The following USP45 variants were observed in gnomAD, a reference collection of about 807,000 sequenced individuals.
The protein encoded by USP45 is ubiquitin specific peptidase 45.
Under a neutral mutation model 95.8 loss-of-function variants are expected in USP45, and 89 were observed. The ratio of observed to expected loss-of-function variants is 0.93; its 90% confidence interval spans 0.78 to 1.11. USP45 has a LOEUF of 1.11. Among genes scored for constraint, USP45 ranks in the 50% least tolerant of loss-of-function variants. The pLI is 0.00. For synonymous variants in USP45, 281 were observed against 316.2 expected (o/e 0.89, Z 1.18); for missense variants, 898 against 942.5 (o/e 0.95, Z 0.62).
intron 11 of USP45, among the ~76,000 whole-genome samples, chr6:99,465,425 TAA>T (rs1787685110): frequency 6.6e-6 from 1 of 152,118 alleles, no homozygotes; most frequent in African/African-American, 2.4e-5. Flanking sequence ...ACAGATTAAC[TAA>T]AGAGACTAGA....
chr6:99,503,955 T>G (rs1797956166), intron 4 of USP45, 90 bp from the exon 5 acceptor site: 2 of 896,834 alleles, frequency 2.2e-6, no homozygotes, highest in Non-Finnish European at 3.2e-6. Flanking sequence ...TAGTTACTTT[T>G]GTCTTTAAAT....
At chr6:99,492,253 G>A (rs1017748201) in intron 5 of USP45, among the ~76,000 whole-genome samples, 1 of 152,092 alleles carries the variant, frequency 6.6e-6, no homozygotes, top group African/African-American at 2.4e-5. Flanking sequence ...ATATATCCAC[G>A]CTTCACTGTG....
intron 6 of USP45, 102 bp from the exon 7 acceptor site, chr6:99,488,397 T>C: frequency 1.3e-6 from 1 of 783,154 alleles, no homozygotes; most frequent in South Asian, 1.9e-5. Flanking sequence ...AAAGTGTCTA[T>C]TTCAAAAAAT....
chr6:99,464,424 G>A lies in USP45; in HGVS notation c.1308+180C>T, dbSNP rs1374697200. On this transcript the variant is annotated intron_variant, in intron 13 of 17. Coordinates refer to ENST00000500704, the MANE Select transcript of USP45 (RefSeq NM_001346022.3). ...TATCCAAAAATAGTCTGGGATGGGA[G>A]GAAGGGGAGGATGTGGGATATATAT... 2.6e-5 allele frequency among the ~76,000 whole-genome samples: 4 copies of A among 152,214 alleles called. 1 individual carries two copies. The highest frequency in any genetic ancestry group is 1.9e-4 in the East Asian group (1 of 5,198).
intron 5 of USP45, among the ~76,000 whole-genome samples, chr6:99,490,641 G>C (rs1170737025): frequency 6.6e-6 from 1 of 152,012 alleles, no homozygotes; most frequent in African/African-American, 2.4e-5. Context: ...ACAGCACTGG[G>C]GGGACTGTTC....
Position 99,510,107 on chromosome 6 carries a change from A to G in USP45, c.100+14T>C, listed in dbSNP as rs1479091374. 3.2e-6 allele frequency: 5 copies of G among 1,574,584 alleles called. No individual in the cohort carries two copies. Among genetic ancestry groups the G allele is most frequent in the South Asian group, 1.1e-5 (1 of 89,984 alleles). On this transcript the variant is annotated intron_variant, in intron 2 of 17. Transcript: ENST00000500704. ...TTCTCAACACTATTTGGGATGCCAT[A>G]TATCACAATTTACCAGCAATATCAT...
chr6:99,468,503 TA>T (rs747621069), intron 10 of USP45, 33 bp downstream of exon 10: 1 of 1,370,012 alleles, frequency 7.3e-7, no homozygotes, highest in Non-Finnish European at 1.0e-6. Context: ...AATATTTTCT[TA>T]AAGAAAAAAG....
At chr6:99,479,985 T>C (rs550354400) in intron 8 of USP45, among the ~76,000 whole-genome samples, 19 of 152,336 alleles carry the variant, frequency 1.2e-4, no homozygotes, top group African/African-American at 3.4e-4. Context: ...GCCAATGACA[T>C]TGTCTACATA....
At chr6:99,514,121 C>T (rs1800560018) in intron 1 of USP45, among the ~76,000 whole-genome samples, 1 of 152,194 alleles carries the variant, frequency 6.6e-6, no homozygotes, top group South Asian at 2.1e-4. Flanking sequence ...ATGCACGGGA[C>T]TCAACATATA....
At chr6:99,500,403 C>T (rs1797127101) in intron 5 of USP45, among the ~76,000 whole-genome samples, 1 of 152,156 alleles carries the variant, frequency 6.6e-6, no homozygotes, top group Non-Finnish European at 1.5e-5. Flanking sequence ...GGTTTAAGGC[C>T]TGAGCCACCG....
At chr6:99,496,758 TAAAAAA>T (rs796331280) in intron 5 of USP45, among the ~76,000 whole-genome samples, 2 of 149,790 alleles carry the variant, frequency 1.3e-5, no homozygotes, top group African/African-American at 4.9e-5. Flanking sequence ...TGGCCCACTT[TAAAAAA>T]AAAAATTTTT....
intron 8 of USP45, among the ~76,000 whole-genome samples, chr6:99,480,045 T>A (rs1185400394): frequency 6.6e-6 from 1 of 152,140 alleles, no homozygotes. Flanking sequence ...TAAAGCAAGT[T>A]GGGTAGGGTA....
At chr6:99,486,635 A>G (rs1025750342) in intron 7 of USP45, among the ~76,000 whole-genome samples, 2 of 150,932 alleles carry the variant, frequency 1.3e-5, no homozygotes, top group African/African-American at 4.9e-5. Flanking sequence ...TTATATATAT[A>G]TAACAGTATG....
intron 6 of USP45, 107 bp from the exon 7 acceptor site, chr6:99,488,402 A>G (rs1309871129): frequency 2.6e-6 from 2 of 770,042 alleles, no homozygotes; most frequent in African/African-American, 3.5e-5. Flanking sequence ...GTCTATTTCA[A>G]AAAATATTAA....
At chr6:99,513,295 A>C (rs2128830488) in intron 1 of USP45, among the ~76,000 whole-genome samples, 1 of 152,294 alleles carries the variant, frequency 6.6e-6, no homozygotes, top group Middle Eastern at 3.4e-3. Context: ...GTCAACTTAC[A>C]TACTATCCAC....
chr6:99,483,541 A>G (rs563509692), intron 7 of USP45, among the ~76,000 whole-genome samples: 26 of 152,294 alleles, frequency 1.7e-4, no homozygotes, highest in Non-Finnish European at 2.9e-5. Context: ...TGGGACATTA[A>G]AGAATGTTAT....
At chr6:99,474,938 C>T (rs542882815) in intron 9 of USP45, among the ~76,000 whole-genome samples, 2 of 152,290 alleles carry the variant, frequency 1.3e-5, no homozygotes, top group South Asian at 4.1e-4. Context: ...GATAGGCCTA[C>T]AATCAACACT....
At chr6:99,478,355 A>G (rs999085888) in intron 8 of USP45, among the ~76,000 whole-genome samples, 3 of 152,132 alleles carry the variant, frequency 2.0e-5, no homozygotes, top group Non-Finnish European at 4.4e-5. Flanking sequence ...AAGGATTAAA[A>G]GATAAAAATC....
chr6:99,467,583 T>C (rs1788311430), intron 10 of USP45, among the ~76,000 whole-genome samples: 1 of 152,194 alleles, frequency 6.6e-6, no homozygotes, highest in East Asian at 1.9e-4. Context: ...TTAATTAAAA[T>C]TGTATTTAGA....
Sources: gnomAD v4.1 joint callset for allele counts (sites outside exome capture counted in the v4.1 genomes callset) on GRCh38, gnomAD v4.1.1 for gene constraint, MANE v1.5 for transcripts, NCBI Gene and HGNC (gene_info 2026-07-23, HGNC 2026-07-21) for gene names.